Variants in CLEC16A observed in about 807,000 individuals in gnomAD.
The protein encoded by CLEC16A is protein CLEC16A.
A neutral mutation model predicts 109.5 loss-of-function variants in CLEC16A; 51 were observed. That is an observed-to-expected ratio of 0.47 (90% CI 0.37 to 0.59). The LOEUF (loss-of-function observed/expected upper bound fraction) is 0.59, where lower values mean the gene tolerates loss of function less well. Ranked by LOEUF, CLEC16A falls within the 20% of genes least tolerant of loss-of-function variation. The pLI, the probability that CLEC16A is intolerant of heterozygous loss-of-function variation, is 0.00. For missense variants in CLEC16A, 1,339 were observed against 1,394.0 expected (o/e 0.96, Z 0.63); for synonymous variants, 673 against 564.2 (o/e 1.19, Z -2.73).
chr16:11,137,909 G>A (rs987157890), intron 22 of CLEC16A, among the ~76,000 whole-genome samples: 4 of 152,212 alleles, frequency 2.6e-5, no homozygotes, highest in South Asian at 2.1e-4. Context: ...AAAACCAACT[G>A]AATCAAAAGG....
intron 19 of CLEC16A, among the ~76,000 whole-genome samples, chr16:11,118,479 T>G (rs1567343836): frequency 6.6e-6 from 1 of 152,332 alleles, no homozygotes; most frequent in East Asian, 1.9e-4. Context: ...TGGCTTTAAA[T>G]TGTCATACCC....
intron 11 of CLEC16A, among the ~76,000 whole-genome samples, chr16:11,005,311 G>C (rs2044932587): frequency 6.6e-6 from 1 of 152,140 alleles, no homozygotes; most frequent in African/African-American, 2.4e-5. Flanking sequence ...TGGAAGCTGT[G>C]CCCAGCTGCC....
intron 5 of CLEC16A, among the ~76,000 whole-genome samples, chr16:10,971,833 C>G (rs2042805334): frequency 6.6e-6 from 1 of 152,206 alleles, no homozygotes; most frequent in African/African-American, 2.4e-5. Flanking sequence ...CCTTCCAAGG[C>G]GATGCTTGGA....
intron 19 of CLEC16A, among the ~76,000 whole-genome samples, chr16:11,067,183 G>GTTTTTTTTTTTTTT (rs1459178844): frequency 9.5e-6 from 1 of 104,822 alleles, no homozygotes; most frequent in Non-Finnish European, 1.9e-5. Context: ...TTTTTTGTTT[G>GTTTTTTTTTTTTTT]TTTTTGTTTT....
At chr16:10,987,001 C>G (rs2043708801) in intron 10 of CLEC16A, among the ~76,000 whole-genome samples, 1 of 151,814 alleles carries the variant, frequency 6.6e-6, no homozygotes, top group Middle Eastern at 3.2e-3. Context: ...TACAGGCATG[C>G]ACCACCACAC....
chr16:11,153,670 T>TG (rs2054385352), intron 22 of CLEC16A, among the ~76,000 whole-genome samples: 1 of 151,780 alleles, frequency 6.6e-6, no homozygotes, highest in Non-Finnish European at 1.5e-5. Flanking sequence ...GCATTCCTTC[T>TG]GGGGGAGGGA....
At chr16:11,037,234 G>C (rs1289310423) in intron 13 of CLEC16A, among the ~76,000 whole-genome samples, 2 of 152,218 alleles carry the variant, frequency 1.3e-5, no homozygotes, top group Non-Finnish European at 2.9e-5. Context: ...CCCCCTGTGT[G>C]CTCCTGGTGG....
intron 22 of CLEC16A, among the ~76,000 whole-genome samples, chr16:11,160,986 C>G (rs1597602946): frequency 6.6e-6 from 1 of 152,230 alleles, no homozygotes; most frequent in African/African-American, 2.4e-5. Flanking sequence ...AACTTAGTCA[C>G]TTGGCCACGA....
chr16:11,123,681 C>A, intron 20 of CLEC16A, 61 bp from the exon 21 acceptor site: 3 of 1,532,144 alleles, frequency 2.0e-6, no homozygotes, highest in South Asian at 1.1e-5. Flanking sequence ...GATGCCACAG[C>A]TCCTAGCCAC....
chr16:11,124,014 A>C, intron 21 of CLEC16A, 68 bp downstream of exon 21: 133 of 1,422,892 alleles, frequency 9.3e-5, no homozygotes, highest in Non-Finnish European at 1.2e-4. Context: ...TGTAGTTCTC[A>C]CACTGACCTT....
chr16:11,172,876 G>A (rs1333889654), intron 23 of CLEC16A, among the ~76,000 whole-genome samples: 5 of 152,112 alleles, frequency 3.3e-5, no homozygotes, highest in East Asian at 3.8e-4. Flanking sequence ...GCAACAGAGC[G>A]GGACTCTGTC....
intron 19 of CLEC16A, among the ~76,000 whole-genome samples, chr16:11,084,609 A>G (rs1597333501): frequency 6.6e-6 from 1 of 152,216 alleles, no homozygotes; most frequent in East Asian, 1.9e-4. Flanking sequence ...CTCTTTCTCC[A>G]CAGAGAAGTT....
At chr16:11,159,028 C>CA (rs2054629194) in intron 22 of CLEC16A, among the ~76,000 whole-genome samples, 1 of 152,024 alleles carries the variant, frequency 6.6e-6, no homozygotes, top group African/African-American at 2.4e-5. Context: ...TCTTAATTTT[C>CA]AAAAGGAGTA....
intron 13 of CLEC16A, among the ~76,000 whole-genome samples, chr16:11,029,139 C>T (rs989194656): frequency 6.6e-6 from 1 of 152,072 alleles, no homozygotes; most frequent in African/African-American, 2.4e-5. Flanking sequence ...TTGAGGCTTG[C>T]TTTTAAGCTC....
intron 19 of CLEC16A, among the ~76,000 whole-genome samples, chr16:11,087,118 C>T (rs2050054059): frequency 6.6e-6 from 1 of 152,248 alleles, no homozygotes; most frequent in Non-Finnish European, 1.5e-5. Flanking sequence ...TATGTATTTT[C>T]TCACAACATC....
chr16:11,093,731 C>G lies in CLEC16A; in HGVS notation c.2117-26884C>G, dbSNP rs370921171. Among the ~76,000 whole-genome samples, 12 of 152,252 alleles carry G rather than the reference C, an allele frequency of 7.9e-5. No individual in the cohort carries two copies. The South Asian group carries it at 1.2e-3, about 16-fold the overall frequency. Reference sequence around the variant, plus strand: ...GAGCAAGAGGAGGTAGAAGGCGAGCCAGGATATGAGGGTGTGGCAGTGCAG... The same window carrying G: ...GAGCAAGAGGAGGTAGAAGGCGAGCGAGGATATGAGGGTGTGGCAGTGCAG... On this transcript the variant is annotated intron_variant, in intron 19 of 23. Transcript: ENST00000409790.
intron 13 of CLEC16A, among the ~76,000 whole-genome samples, chr16:11,031,900 A>T (rs1263925124): frequency 2.6e-5 from 4 of 152,176 alleles, no homozygotes; most frequent in Non-Finnish European, 5.9e-5. Context: ...GAATTTCCTC[A>T]TGTAATTAGT....
chr16:11,176,970 T>C (rs2068773105), intron 23 of CLEC16A, among the ~76,000 whole-genome samples: 1 of 152,230 alleles, frequency 6.6e-6, no homozygotes, highest in African/African-American at 2.4e-5. Context: ...TTCTGTTTTA[T>C]TTTGGCCTGA....
chr16:11,005,008 T>C (rs1252967843), intron 11 of CLEC16A, among the ~76,000 whole-genome samples: 4 of 152,206 alleles, frequency 2.6e-5, no homozygotes, highest in Admixed American at 2.0e-4. Context: ...CTAGGTTTAG[T>C]TGTTCTGTTG....
Sources: gnomAD v4.1 joint callset for allele counts (sites outside exome capture counted in the v4.1 genomes callset) on GRCh38, gnomAD v4.1.1 for gene constraint, MANE v1.5 for transcripts, NCBI Gene and HGNC (gene_info 2026-07-23, HGNC 2026-07-21) for gene names.